Variants in PRKN observed in about 807,000 individuals in gnomAD.
The protein encoded by PRKN is E3 ubiquitin-protein ligase parkin.
Under a neutral mutation model 59.5 loss-of-function variants are expected in PRKN, and 56 were observed. The observed-to-expected ratio is 0.94, with a 90% confidence interval of 0.76 to 1.18. The LOEUF is 1.18. Among genes scored for constraint, PRKN ranks in the 50% most tolerant of loss-of-function variants. The probability of loss-of-function intolerance (pLI) is 0.00; values close to 1 mark genes in which losing one functional copy is unlikely to be tolerated. For synonymous variants in PRKN, 250 were observed against 222.1 expected, an observed-to-expected ratio of 1.13 and a Z score of -1.12; for missense variants, 657 against 596.4, an observed-to-expected ratio of 1.10 and a Z score of -1.06.
intron 2 of PRKN, among the ~76,000 whole-genome samples, chr6:162,287,543 G>T (rs1021234292): frequency 5.3e-5 from 8 of 152,040 alleles, no homozygotes; most frequent in Non-Finnish European, 7.4e-5. Flanking sequence ...ACTCCAGCCC[G>T]GGCAACAGAG....
chr6:161,364,078 A>G (rs1160874070), intron 10 of PRKN, among the ~76,000 whole-genome samples: 2 of 151,450 alleles, frequency 1.3e-5, no homozygotes, highest in Non-Finnish European at 2.9e-5. Flanking sequence ...CTGAGGCAGA[A>G]GAATGGCGTG....
chr6:162,001,647 T>G (rs1455553749), intron 5 of PRKN, among the ~76,000 whole-genome samples: 1 of 152,054 alleles, frequency 6.6e-6, no homozygotes, highest in Non-Finnish European at 1.5e-5. Context: ...TTGTTCCATT[T>G]TCTTTTGTTC....
chr6:162,634,438 G>A (rs541676199), intron 1 of PRKN, among the ~76,000 whole-genome samples: 7 of 152,214 alleles, frequency 4.6e-5, no homozygotes, highest in African/African-American at 1.7e-4. Context: ...GAAGCTCCCT[G>A]TTCTGCTGTT....
intron 1 of PRKN, among the ~76,000 whole-genome samples, chr6:162,517,505 T>G (rs956505563): frequency 6.6e-6 from 1 of 151,828 alleles, no homozygotes; most frequent in African/African-American, 2.4e-5. Flanking sequence ...ATCTGCCCAC[T>G]TCGGCCTCCC....
intron 8 of PRKN, among the ~76,000 whole-genome samples, chr6:161,563,217 G>C (rs1036199446): frequency 4.6e-5 from 7 of 151,962 alleles, no homozygotes; most frequent in African/African-American, 7.3e-5. Flanking sequence ...TTTCATCCTA[G>C]CATCAATTAT....
intron 6 of PRKN, among the ~76,000 whole-genome samples, chr6:161,871,651 T>G (rs1301084918): frequency 6.6e-6 from 1 of 152,232 alleles, no homozygotes; most frequent in Admixed American, 6.5e-5. Flanking sequence ...CAAAGCTCCC[T>G]GTACACACTT....
intron 3 of PRKN, among the ~76,000 whole-genome samples, chr6:162,202,358 G>A (rs767143221): frequency 6.6e-5 from 10 of 152,008 alleles, no homozygotes; most frequent in Admixed American, 1.3e-4. Context: ...CAGACATATT[G>A]GATTATCATT....
intron 2 of PRKN, among the ~76,000 whole-genome samples, chr6:162,295,537 A>C (rs1175503881): frequency 6.6e-6 from 1 of 152,148 alleles, no homozygotes; most frequent in Non-Finnish European, 1.5e-5. Flanking sequence ...ACTTATTCTG[A>C]CTTTAGATCT....
intron 10 of PRKN, among the ~76,000 whole-genome samples, chr6:161,367,324 A>G (rs1193949444): frequency 1.3e-5 from 2 of 151,938 alleles, no homozygotes; most frequent in African/African-American, 2.4e-5. Flanking sequence ...AGGGTGTTTT[A>G]GCCGGCAGGA....
chr6:162,373,780 G>A (rs1785896309), intron 2 of PRKN, among the ~76,000 whole-genome samples: 1 of 152,014 alleles, frequency 6.6e-6, no homozygotes, highest in Non-Finnish European at 1.5e-5. Flanking sequence ...GTTCAAAAAA[G>A]CACTTAAAAA....
chr6:161,808,915 G>T (rs991031439), intron 6 of PRKN, among the ~76,000 whole-genome samples: 1 of 152,036 alleles, frequency 6.6e-6, no homozygotes, highest in African/African-American at 2.4e-5. Context: ...ATCACAGTTC[G>T]CTGTAGCCTC....
chr6:162,488,695 T>C (rs1238387594), intron 1 of PRKN, among the ~76,000 whole-genome samples: 2 of 152,122 alleles, frequency 1.3e-5, no homozygotes, highest in African/African-American at 2.4e-5. Context: ...TAGGGCTGCT[T>C]GTGTGAGAAC....
At chr6:162,203,311 T>C (rs548387455) in intron 3 of PRKN, among the ~76,000 whole-genome samples, 33 of 152,062 alleles carry the variant, frequency 2.2e-4, no homozygotes, top group South Asian at 6.2e-4. Context: ...GCATACAAGA[T>C]GACATGCAAT....
intron 9 of PRKN, among the ~76,000 whole-genome samples, chr6:161,427,471 A>AGCTGG (rs1788425079): frequency 6.6e-6 from 1 of 152,180 alleles, no homozygotes; most frequent in Non-Finnish European, 1.5e-5. Context: ...ATTAGAACTC[A>AGCTGG]GGTAGAACTG....
At chr6:161,929,033 G>A (rs1422567987) in intron 6 of PRKN, among the ~76,000 whole-genome samples, 1 of 152,072 alleles carries the variant, frequency 6.6e-6, no homozygotes, top group Non-Finnish European at 1.5e-5. Flanking sequence ...ATTCACAGCA[G>A]CAGTATTCAC....
At chr6:162,625,641 C>T (rs371566372) in intron 1 of PRKN, among the ~76,000 whole-genome samples, 1 of 151,898 alleles carries the variant, frequency 6.6e-6, no homozygotes, top group Non-Finnish European at 1.5e-5. Flanking sequence ...TACTTCACCA[C>T]CATTTGCATG....
intron 2 of PRKN, among the ~76,000 whole-genome samples, chr6:162,440,020 T>G (rs1789977653): frequency 6.6e-6 from 1 of 152,104 alleles, no homozygotes; most frequent in Non-Finnish European, 1.5e-5. Context: ...ATGTCTAGGC[T>G]TTTTAGTGTA....
intron 7 of PRKN, among the ~76,000 whole-genome samples, chr6:161,686,428 A>G (rs77760580): frequency 0.58 from 87,681 of 151,628 alleles, 25,488 homozygotes; most frequent in East Asian, 0.61. Context: ...CTTTGCGTAA[A>G]AATTACATAC....
Position 161,656,960 on chromosome 6 carries a change from G to C in PRKN, c.872-87544C>G, listed in dbSNP as rs535227063. Reference sequence around the variant, plus strand: ...GGGGACTCGTAAGTTGTGTGTTTCTGACCCTAGAATGGTACTTGGCGCCAA... The same window carrying C: ...GGGGACTCGTAAGTTGTGTGTTTCTCACCCTAGAATGGTACTTGGCGCCAA... On this transcript the variant is annotated intron_variant, in intron 7 of 11. Coordinates refer to ENST00000366898, the MANE Select transcript of PRKN (RefSeq NM_004562.3). Among the ~76,000 whole-genome samples, 4 of 152,288 alleles carry C rather than the reference G, an allele frequency of 2.6e-5. No individual in the cohort carries two copies. The South Asian group carries it at 8.3e-4, about 32-fold the overall frequency.
Sources: allele counts gnomAD v4.1 joint callset (sites outside exome capture counted in the v4.1 genomes callset), GRCh38; gene constraint gnomAD v4.1.1; transcripts MANE v1.5; gene names NCBI Gene and HGNC (gene_info 2026-07-23, HGNC 2026-07-21).